The following ANO4 variants were observed in gnomAD, a reference collection of about 807,000 sequenced individuals.
ANO4 encodes the protein anoctamin 4.
A neutral mutation model predicts 141.9 loss-of-function variants in ANO4; 69 were observed. The ratio of observed to expected loss-of-function variants is 0.49; its 90% CI spans 0.40 to 0.59. The LOEUF (loss-of-function observed/expected upper bound fraction) is 0.59. Among genes scored for constraint, ANO4 ranks in the 20% least tolerant of loss-of-function variants. The pLI, the probability that ANO4 is intolerant of heterozygous loss-of-function variation, is 0.00. For missense variants in ANO4, 894 were observed against 1,162.2 expected (o/e 0.77, Z 3.36); for synonymous variants, 350 against 394.3 (o/e 0.89, Z 1.33).
intron 16 of ANO4, 125 bp from the exon 17 acceptor site, chr12:101,086,535 G>A (rs1162175489): frequency 4.1e-6 from 4 of 965,554 alleles, no homozygotes; most frequent in Non-Finnish European, 6.3e-6. Flanking sequence ...ATTTGATTGT[G>A]ATCTCTTGAG....
At chr12:101,040,920 A>G (rs1436472348) in intron 11 of ANO4, among the ~76,000 whole-genome samples, 1 of 152,190 alleles carries the variant, frequency 6.6e-6, no homozygotes, top group Non-Finnish European at 1.5e-5. Context: ...ATGTCCCTGC[A>G]AAGGACATGA....
intron 2 of ANO4, among the ~76,000 whole-genome samples, chr12:100,916,901 G>T (rs1013240867): frequency 1.3e-5 from 2 of 151,164 alleles, no homozygotes; most frequent in African/African-American, 4.9e-5. Flanking sequence ...AAAGTGCTTT[G>T]ATGCCCTGGA....
chr12:100,908,768 A>G (rs2040962197), intron 2 of ANO4, among the ~76,000 whole-genome samples: 1 of 152,200 alleles, frequency 6.6e-6, no homozygotes. Context: ...TTACAAAGTT[A>G]ATAATCCCTG....
intron 8 of ANO4, among the ~76,000 whole-genome samples, chr12:101,015,413 A>G (rs2046278060): frequency 1.7e-5 from 2 of 119,082 alleles, no homozygotes. Flanking sequence ...TGTCTTGGAG[A>G]TTTTTTTAGA....
intron 8 of ANO4, among the ~76,000 whole-genome samples, chr12:101,017,268 A>G (rs1162987693): frequency 6.6e-6 from 1 of 152,184 alleles, no homozygotes; most frequent in African/African-American, 2.4e-5. Flanking sequence ...ACTGCCCTGT[A>G]TAACACCATC....
chr12:101,102,836 T>C (rs2050243021), intron 22 of ANO4, among the ~76,000 whole-genome samples: 1 of 152,040 alleles, frequency 6.6e-6, no homozygotes, highest in South Asian at 2.1e-4. Flanking sequence ...CCCCAGTCCA[T>C]GAAAATGGTA....
At chr12:100,846,887 C>T (rs763206709) in intron 1 of ANO4, among the ~76,000 whole-genome samples, 1 of 152,052 alleles carries the variant, frequency 6.6e-6, no homozygotes, top group Non-Finnish European at 1.5e-5. Flanking sequence ...TATTCCCTTC[C>T]TACCCTGCCT....
At chr12:100,874,752 T>C (rs2039209770) in intron 1 of ANO4, among the ~76,000 whole-genome samples, 1 of 152,098 alleles carries the variant, frequency 6.6e-6, no homozygotes, top group Non-Finnish European at 1.5e-5. Flanking sequence ...ACTCCTGGCC[T>C]CAAGTCATCT....
chr12:100,899,853 A>G (rs1334248119), intron 1 of ANO4, among the ~76,000 whole-genome samples: 1 of 152,162 alleles, frequency 6.6e-6, no homozygotes, highest in African/African-American at 2.4e-5. Flanking sequence ...AATGCATACA[A>G]CAACATTATA....
At chr12:100,880,516 T>G (rs953290316) in intron 1 of ANO4, among the ~76,000 whole-genome samples, 5 of 152,214 alleles carry the variant, frequency 3.3e-5, no homozygotes, top group Non-Finnish European at 5.9e-5. Flanking sequence ...CACTATATTA[T>G]ATTACAACGC....
intron 15 of ANO4, among the ~76,000 whole-genome samples, chr12:101,080,165 G>T (rs1324901348): frequency 6.6e-6 from 1 of 152,208 alleles, no homozygotes; most frequent in Non-Finnish European, 1.5e-5. Context: ...GGGAACACAT[G>T]TATATATTTT....
At chr12:100,807,151 C>T (rs574912977) in intron 1 of ANO4, among the ~76,000 whole-genome samples, 15 of 152,072 alleles carry the variant, frequency 9.9e-5, no homozygotes, top group Admixed American at 4.6e-4. Flanking sequence ...TTATTTTCCC[C>T]CAACAACTAC....
intron 1 of ANO4, among the ~76,000 whole-genome samples, chr12:100,798,846 A>G (rs543280263): frequency 4.6e-4 from 70 of 152,322 alleles, no homozygotes; most frequent in African/African-American, 1.6e-3. Context: ...TTTTTCTCTA[A>G]TAGAAATCTT....
intron 1 of ANO4, among the ~76,000 whole-genome samples, chr12:100,863,899 T>C (rs1334138873): frequency 6.6e-6 from 1 of 152,230 alleles, no homozygotes; most frequent in Non-Finnish European, 1.5e-5. Context: ...GATATATCAC[T>C]GATGGTAAGA....
intron 3 of ANO4, among the ~76,000 whole-genome samples, chr12:100,772,083 G>A (rs1486100707): frequency 6.6e-6 from 1 of 152,180 alleles, no homozygotes; most frequent in African/African-American, 2.4e-5. Flanking sequence ...GGGCTAAGCA[G>A]GTATGTCAGC....
chr12:100,774,631 C>T (rs2033423084), intron 3 of ANO4, among the ~76,000 whole-genome samples: 1 of 152,214 alleles, frequency 6.6e-6, no homozygotes, highest in South Asian at 2.1e-4. Flanking sequence ...TGCACAGTTA[C>T]CCTTCCCCCA....
chr12:100,805,947 A>G (rs1396041710), intron 1 of ANO4, among the ~76,000 whole-genome samples: 1 of 152,194 alleles, frequency 6.6e-6, no homozygotes, highest in Non-Finnish European at 1.5e-5. Context: ...GTGGCAGGAA[A>G]AGAGAAGAGT....
At position 100,903,670 on chromosome 12, in the gene ANO4, T is replaced by C. The variant is rs572757924; in HGVS notation, c.55+1830T>C. Among the ~76,000 whole-genome samples, 19 of 152,318 alleles carry C rather than the reference T, an allele frequency of 1.2e-4. No homozygotes were observed. The East Asian group carries it at 3.7e-3, about 29-fold the overall frequency. The stretch of plus-strand genomic sequence containing the variant: ...AGATGGCTAGGCAAGTCTGAATTCA[T>C]AGGTCAGGCTATCTGCAAGGGCAGG... On this transcript the variant is annotated intron_variant, in intron 2 of 27. Coordinates refer to ENST00000392977, the MANE Select transcript of ANO4 (RefSeq NM_001286615.2).
chr12:100,965,051 T>A (rs1046353415), intron 5 of ANO4, among the ~76,000 whole-genome samples: 1 of 152,114 alleles, frequency 6.6e-6, no homozygotes, highest in Non-Finnish European at 1.5e-5. Context: ...GCAGAATAGA[T>A]GAGTGGATGT....
Sources: gnomAD v4.1 joint callset for allele counts (sites outside exome capture counted in the v4.1 genomes callset) on GRCh38, gnomAD v4.1.1 for gene constraint, MANE v1.5 for transcripts, NCBI Gene and HGNC (gene_info 2026-07-23, HGNC 2026-07-21) for gene names.